AKAP9: variants seen among roughly 807,000 people sequenced by gnomAD.
The protein encoded by AKAP9 is A-kinase anchor protein 9.
AKAP9 carries 311 observed loss-of-function variants against 488.5 expected under a neutral mutation model. That is an observed-to-expected ratio of 0.64 (90% CI 0.58 to 0.70). The LOEUF (loss-of-function observed/expected upper bound fraction) is 0.70, where lower values mean the gene tolerates loss of function less well. Among genes scored for constraint, AKAP9 ranks in the 30% least tolerant of loss-of-function variants. The pLI is 0.00. For missense variants in AKAP9, 4,215 were observed against 4,374.5 expected, an observed-to-expected ratio of 0.96 and a Z score of 1.03; for synonymous variants, 1,462 against 1,483.5, an observed-to-expected ratio of 0.99 and a Z score of 0.33.
intron 38 of AKAP9, 126 bp downstream of exon 38, chr7:92,089,655 G>T (rs1209735949): frequency 9.3e-7 from 1 of 1,078,562 alleles, no homozygotes; most frequent in Non-Finnish European, 1.4e-6. Context: ...TTCTCATAAT[G>T]TTAAGGATAC....
At chr7:91,979,330 A>G (rs1396542702) in intron 2 of AKAP9, among the ~76,000 whole-genome samples, 2 of 152,278 alleles carry the variant, frequency 1.3e-5, no homozygotes, top group South Asian at 4.1e-4. Flanking sequence ...AATGAGAGCC[A>G]AGGGAAAAGG....
chr7:92,051,692 A>G (rs965592261), intron 21 of AKAP9, among the ~76,000 whole-genome samples: 3 of 152,208 alleles, frequency 2.0e-5, no homozygotes, highest in African/African-American at 4.8e-5. Flanking sequence ...GACAAGTTCT[A>G]ATAAGTAGCT....
chr7:92,087,600 T>A (rs940299981), intron 37 of AKAP9, among the ~76,000 whole-genome samples: 11 of 152,042 alleles, frequency 7.2e-5, no homozygotes, highest in African/African-American at 1.7e-4. Flanking sequence ...TCTTTTTTTT[T>A]AATATATTCT....
chr7:91,947,315 A>G (rs372801158), intron 1 of AKAP9, among the ~76,000 whole-genome samples: 27 of 152,124 alleles, frequency 1.8e-4, no homozygotes, highest in African/African-American at 6.0e-4. Context: ...AATGCCTACG[A>G]CTGCAGCTAT....
chr7:92,015,651 A>G (rs1801415687), intron 10 of AKAP9, among the ~76,000 whole-genome samples: 1 of 152,156 alleles, frequency 6.6e-6, no homozygotes, highest in Non-Finnish European at 1.5e-5. Flanking sequence ...GGCATGAGCC[A>G]CCACGCCTGG....
intron 1 of AKAP9, 130 bp downstream of exon 1, chr7:91,941,277 AG>A (rs1790719753): frequency 2.4e-6 from 2 of 845,954 alleles, no homozygotes; most frequent in Middle Eastern, 3.3e-4. Flanking sequence ...GCAGGGTCTT[AG>A]GGTCTGCATC....
chr7:91,958,877 C>CATCATT (rs1793376558), intron 1 of AKAP9, among the ~76,000 whole-genome samples: 6 of 150,822 alleles, frequency 4.0e-5, no homozygotes, highest in South Asian at 2.1e-4. Context: ...TTGAAAACAT[C>CATCATT]ATTATTATTA....
At chr7:91,995,863 C>T (rs966934280) in intron 7 of AKAP9, 63 bp downstream of exon 7, 24 of 1,298,236 alleles carry the variant, frequency 1.8e-5, no homozygotes, top group Non-Finnish European at 2.4e-5. Flanking sequence ...GTTTTTTATG[C>T]AAGTGGTTTT....
intron 24 of AKAP9, among the ~76,000 whole-genome samples, chr7:92,062,751 A>G (rs958037944): frequency 2.0e-5 from 3 of 152,202 alleles, no homozygotes; most frequent in African/African-American, 7.2e-5. Flanking sequence ...CTTCAAGAGA[A>G]AGCTGCAAAT....
chr7:92,052,880 A>G lies in AKAP9; in HGVS notation c.5523A>G (p.Glu1841=), dbSNP rs761370402. 1.9e-6 allele frequency: 3 copies of G among 1,613,758 alleles called. No individual in the cohort carries two copies. The Admixed American group carries it at 5.0e-5, about 27-fold the overall frequency. ...AGTEIDPENE[E]LMLNISSRLQ... ...CTGAAATAGACCCTGAAAATGAAGA[A>G]CTTATGCTGAACATTAGCTCTCGAC... Residue 1841 remains glutamate (E), a synonymous_variant, in exon 22 of 50, where the codon GAA becomes GAG. Coordinates refer to ENST00000356239, the MANE Select transcript of AKAP9 (RefSeq NM_005751.5).
At chr7:92,020,243 T>G (rs1295660945) in intron 12 of AKAP9, among the ~76,000 whole-genome samples, 1 of 152,214 alleles carries the variant, frequency 6.6e-6, no homozygotes, top group East Asian at 1.9e-4. Context: ...ATATTCCTCC[T>G]CATTTCAGCC....
intron 30 of AKAP9, 34 bp downstream of exon 30, chr7:92,077,909 A>G: frequency 1.9e-6 from 3 of 1,548,196 alleles, no homozygotes; most frequent in Non-Finnish European, 2.6e-6. Flanking sequence ...TGAAATTAAT[A>G]TGAACCAGAG....
At chr7:91,998,289 A>G (rs568769511) in intron 7 of AKAP9, among the ~76,000 whole-genome samples, 157 of 152,168 alleles carry the variant, frequency 1.0e-3, no homozygotes, top group African/African-American at 3.7e-3. Context: ...TTCCCTACAC[A>G]ACTGTGTTGA....
chr7:92,073,311 A>G (rs949977390), intron 28 of AKAP9, among the ~76,000 whole-genome samples: 2 of 150,530 alleles, frequency 1.3e-5, no homozygotes, highest in Non-Finnish European at 2.9e-5. Flanking sequence ...CCTGGCTAAC[A>G]TGGTGAAACC....
Position 91,973,906 on chromosome 7 carries a change from A to G in AKAP9, c.244A>G (p.Thr82Ala). 1.2e-6 allele frequency: 2 copies of G among 1,614,100 alleles called. No individual in the cohort carries two copies. Among genetic ancestry groups the G allele is most frequent in the Non-Finnish European group, 8.5e-7 (1 of 1,179,948 alleles). The change falls in exon 2 of 50, where the codon ACA (threonine) becomes GCA (alanine). Residue 82 changes from threonine to alanine, a missense_variant. Thr to Ala is a moderately conservative substitution (Grantham distance 58, BLOSUM62 0). This residue lies in a region of AKAP9 where 2,361 missense variants were observed against 2,430.0 expected (regional missense o/e 0.97). Transcript: ENST00000356239. ...RVESTVIPES[T>A]IMRTLHSGEI... ...AGAATCAACTGTGATTCCTGAATCT[A>G]CAATAATGAGAACTCTACATAGTGG...
chr7:92,084,102 C>T (rs1009782208), intron 33 of AKAP9, among the ~76,000 whole-genome samples: 8 of 152,132 alleles, frequency 5.3e-5, no homozygotes, highest in Non-Finnish European at 1.2e-4. Context: ...TTGTGTTAGT[C>T]CGCTGAGAAT....
chr7:92,056,423 C>T (rs1212672949), intron 22 of AKAP9, among the ~76,000 whole-genome samples: 1 of 151,818 alleles, frequency 6.6e-6, no homozygotes, highest in Non-Finnish European at 1.5e-5. Context: ...TTGACAACTT[C>T]TATCTGCCAA....
intron 16 of AKAP9, among the ~76,000 whole-genome samples, chr7:92,032,357 G>A (rs1037515850): frequency 6.6e-6 from 1 of 152,062 alleles, no homozygotes; most frequent in African/African-American, 2.4e-5. Flanking sequence ...TTAGCCGGGC[G>A]TGGTGACGCA....
chr7:92,007,196 T>C (rs1799987321), intron 8 of AKAP9, among the ~76,000 whole-genome samples: 3 of 151,750 alleles, frequency 2.0e-5, no homozygotes, highest in Admixed American at 6.6e-5. Flanking sequence ...CAAAAAGATA[T>C]ATGGTATGAA....
Sources: gnomAD v4.1 joint callset for allele counts (sites outside exome capture counted in the v4.1 genomes callset) on GRCh38, gnomAD v4.1.1 for gene constraint, gnomAD v4.1.1 regional missense constraint, MANE v1.5 for transcripts, NCBI Gene and HGNC (gene_info 2026-07-23, HGNC 2026-07-21) for gene names.